The following PTPRB variants were observed in gnomAD, a reference collection of about 807,000 sequenced individuals.
PTPRB encodes protein tyrosine phosphatase receptor type B.
PTPRB carries 97 observed loss-of-function variants against 238.1 expected under a neutral mutation model. The ratio of observed to expected loss-of-function variants is 0.41; its 90% CI spans 0.35 to 0.48. The LOEUF (loss-of-function observed/expected upper bound fraction) is 0.48. Among genes scored for constraint, PTPRB ranks in the 20% least tolerant of loss-of-function variants. The pLI is 0.30. For synonymous variants in PTPRB, 970 were observed against 995.4 expected (o/e 0.97, Z 0.48); for missense variants, 2,292 against 2,681.9 (o/e 0.85, Z 3.21).
rs185913199 is a variant in PTPRB at position 70,595,340 on chromosome 12, T to C, written c.1259-616A>G. Among the ~76,000 whole-genome samples the C allele has an allele frequency of 5.0e-3, 754 of 152,134 alleles. 8 individuals carry two copies. The highest frequency in any genetic ancestry group is 0.017 in the African/African-American group (690 of 41,510). On this transcript the variant is annotated intron_variant, in intron 5 of 33. Coordinates refer to ENST00000334414, the MANE Select transcript of PTPRB (RefSeq NM_001109754.4). ...GGAAGGGATAGCATTAGGAAAAATA[T>C]CTAATGTAGATGATGGGTTGATGGG...
At chr12:70,563,176 G>GAA (rs147611593) in intron 15 of PTPRB, 69 bp from the exon 16 acceptor site, 31,410 of 1,422,354 alleles carry the variant, frequency 0.022, 1,677 homozygotes, top group African/African-American at 0.21. Flanking sequence ...AGGTGGGGAA[G>GAA]AGGGAAAAGC....
At position 70,516,630 on chromosome 12, in the gene PTPRB, C is replaced by T. The variant is rs1038167575; in HGVS notation, c.*4859G>A. 2.6e-5 allele frequency: 4 copies of T among 152,164 alleles called. No individual in the cohort carries two copies. The highest frequency in any genetic ancestry group is 7.2e-5 in the African/African-American group (3 of 41,434). 9.4% of individuals were successfully genotyped at this position (152,164 alleles called of 1,614,324 possible). Reference sequence around the variant, plus strand: ...ATTAGAACATCTCAGCATAACTGAACGTTTGTTCTTGGGGTGAGGATATTA... The same window carrying T: ...ATTAGAACATCTCAGCATAACTGAATGTTTGTTCTTGGGGTGAGGATATTA... On this transcript the variant is annotated 3_prime_UTR_variant, in exon 34 of 34. Transcript: ENST00000334414.
In PTPRB at chr12:70,526,407, T is replaced by C. The variant is rs1002548778; in HGVS notation, c.6505-1816A>G. Among the ~76,000 whole-genome samples, 9 of 152,338 alleles carry C rather than the reference T, an allele frequency of 5.9e-5. No homozygotes were observed. The South Asian group carries it at 1.2e-3, about 21-fold the overall frequency. On this transcript the variant is annotated intron_variant, in intron 32 of 33. Coordinates refer to ENST00000334414, the MANE Select transcript of PTPRB (RefSeq NM_001109754.4). ...TTTTTTTAGCGACAGGATCTTGCTC[T>C]GTTGCCCAGGCTGGTCTGAAACTCC...
intron 32 of PTPRB, chr12:70,525,359 G>A (rs1872271441): frequency 6.6e-6 from 1 of 152,062 alleles, no homozygotes; most frequent in Non-Finnish European, 1.5e-5. Context: ...CTTTATTCTA[G>A]GAAGATAGTG....
At position 70,520,965 on chromosome 12, in the gene PTPRB, CT is replaced by C; in HGVS notation, c.*523del. ...TTCTTTTTTCTCCCTCCCTCTAATC[CT>C]TTTTTTGACTGTCACATTTGTCCTA... On this transcript the variant is annotated 3_prime_UTR_variant, in exon 34 of 34. Coordinates refer to ENST00000334414, the MANE Select transcript of PTPRB (RefSeq NM_001109754.4). The C allele has an allele frequency of 1.3e-5, 2 of 152,428 alleles. No individual in the cohort carries two copies. The highest frequency in any genetic ancestry group is 1.5e-5 in the Non-Finnish European group (1 of 68,188). 9.4% of individuals were successfully genotyped at this position (152,428 alleles called of 1,614,324 possible). A position where few individuals can be genotyped will look rare whatever the true frequency, so the allele number is the denominator to read the frequency against.
At chr12:70,606,160 C>T (rs1883926774) in intron 4 of PTPRB, among the ~76,000 whole-genome samples, 1 of 152,176 alleles carries the variant, frequency 6.6e-6, no homozygotes, top group Non-Finnish European at 1.5e-5. Flanking sequence ...TTCATCATAA[C>T]CGTCTCTCAC....
intron 6 of PTPRB, 21 bp downstream of exon 6, chr12:70,594,446 A>G (rs564914298): frequency 6.2e-7 from 1 of 1,609,322 alleles, no homozygotes; most frequent in African/African-American, 1.3e-5. Context: ...ATTCTTCTTC[A>G]GCTAGCTAGG....
chr12:70,636,948 C>G (rs940931098), intron 1 of PTPRB, among the ~76,000 whole-genome samples: 2 of 152,150 alleles, frequency 1.3e-5, no homozygotes, highest in Non-Finnish European at 2.9e-5. Context: ...CATTTCCTCA[C>G]CCCCTTTAAT....
chr12:70,596,184 C>A lies in PTPRB; in HGVS notation c.1123G>T (p.Val375Phe). The change falls in exon 5 of 34, where the codon GTT (valine) becomes TTT (phenylalanine). Residue 375 changes from valine to phenylalanine, a missense_variant. Val to Phe is a conservative substitution (Grantham distance 50). Transcript: ENST00000334414. ...FDENNQKIQG[V>F]QIQESTSWNE... Reference sequence around the variant, plus strand: ...CATGAAGTACTTTCTTGAATTTGAACCCCCTGTATCTTTTGGTTATTTTCA... The same window carrying A: ...CATGAAGTACTTTCTTGAATTTGAAACCCCTGTATCTTTTGGTTATTTTCA... 1.9e-6 allele frequency: 3 copies of A among 1,613,576 alleles called. No homozygotes were observed. Among genetic ancestry groups the A allele is most frequent in the Non-Finnish European group, 2.5e-6 (3 of 1,179,816 alleles).
At chr12:70,598,657 A>T (rs1883230233) in intron 4 of PTPRB, among the ~76,000 whole-genome samples, 1 of 152,190 alleles carries the variant, frequency 6.6e-6, no homozygotes, top group Admixed American at 6.5e-5. Context: ...AATTGAGATG[A>T]CATACTTTTG....
chr12:70,630,033 C>G (rs1324054238), intron 2 of PTPRB, among the ~76,000 whole-genome samples: 1 of 152,156 alleles, frequency 6.6e-6, no homozygotes, highest in East Asian at 1.9e-4. Flanking sequence ...GGAGCTTGTA[C>G]CATTCCTTCT....
chr12:70,545,594 C>A (rs1019694519), intron 21 of PTPRB, among the ~76,000 whole-genome samples: 2 of 152,064 alleles, frequency 1.3e-5, no homozygotes, highest in Non-Finnish European at 2.9e-5. Flanking sequence ...ATGGAGGAAA[C>A]AGTGTGTGTG....
At chr12:70,540,761 T>C in intron 23 of PTPRB, 97 bp downstream of exon 23, 1 of 894,968 alleles carries the variant, frequency 1.1e-6, no homozygotes, top group Non-Finnish European at 1.7e-6. Flanking sequence ...CTGGAAAAAT[T>C]AAATTATTTT....
intron 3 of PTPRB, among the ~76,000 whole-genome samples, chr12:70,619,620 G>A (rs777576631): frequency 3.9e-5 from 6 of 152,088 alleles, no homozygotes; most frequent in Non-Finnish European, 7.4e-5. Context: ...TAGCCTACTG[G>A]CAGATAAGAG....
chr12:70,580,592 G>C (rs1253646232), intron 10 of PTPRB, among the ~76,000 whole-genome samples: 1 of 152,156 alleles, frequency 6.6e-6, no homozygotes, highest in Non-Finnish European at 1.5e-5. Flanking sequence ...GGCCGAGGCG[G>C]GTGGATCACC....
chr12:70,553,301 G>T (rs12320389), intron 20 of PTPRB, among the ~76,000 whole-genome samples: 9,649 of 152,208 alleles, frequency 0.063, 590 homozygotes, highest in African/African-American at 0.15. Context: ...CATTAAATGA[G>T]AGCATGTCTC....
chr12:70,593,515 A>C lies in PTPRB; in HGVS notation c.1516+952T>G, dbSNP rs1473814642. ...CCAACAAGAGCAAAACTCTGTCTCA[A>C]AAAAAAAAAAAAAAAAAAAAAAAAA... On this transcript the variant is annotated intron_variant, in intron 6 of 33. Coordinates refer to ENST00000334414, the MANE Select transcript of PTPRB (RefSeq NM_001109754.4). 1.6e-3 allele frequency among the ~76,000 whole-genome samples: 159 copies of C among 100,172 alleles called. 1 individual carries two copies. Among genetic ancestry groups the C allele is most frequent in the African/African-American group, 5.7e-3 (154 of 27,042 alleles). 65.7% of individuals were successfully genotyped at this position (100,172 alleles called of 152,430 possible). A position where few individuals can be genotyped will look rare whatever the true frequency, so the allele number is the denominator to read the frequency against.
At chr12:70,588,306 G>T (rs906224410) in intron 8 of PTPRB, among the ~76,000 whole-genome samples, 3 of 152,106 alleles carry the variant, frequency 2.0e-5, no homozygotes, top group Non-Finnish European at 2.9e-5. Flanking sequence ...CCTACTTCAA[G>T]TTACCTGAAT....
intron 28 of PTPRB, among the ~76,000 whole-genome samples, chr12:70,537,222 G>C (rs1354509239): frequency 6.6e-6 from 1 of 150,438 alleles, no homozygotes; most frequent in South Asian, 2.1e-4. Flanking sequence ...GGGAGGCGGA[G>C]CTTGCAGTGA....
Sources: gnomAD v4.1 joint callset for allele counts (sites outside exome capture counted in the v4.1 genomes callset) on GRCh38, gnomAD v4.1.1 for gene constraint, MANE v1.5 for transcripts, NCBI Gene and HGNC (gene_info 2026-07-23, HGNC 2026-07-21) for gene names.